ADGRV1: variants seen among roughly 807,000 people sequenced by gnomAD.
ADGRV1 encodes G-protein coupled receptor 98.
A neutral mutation model predicts 596.2 loss-of-function variants in ADGRV1; 359 were observed. That is an observed-to-expected ratio of 0.60 (90% CI 0.55 to 0.66). ADGRV1 has a LOEUF of 0.66. Among genes scored for constraint, ADGRV1 ranks in the 30% least tolerant of loss-of-function variants. The pLI is 0.00. For missense variants in ADGRV1, 7,274 were observed against 7,575.6 expected, an observed-to-expected ratio of 0.96 and a Z score of 1.48; for synonymous variants, 2,681 against 2,679.2, an observed-to-expected ratio of 1.00 and a Z score of -0.02.
At chr5:91,044,170 A>G (rs1056067210) in intron 85 of ADGRV1, among the ~76,000 whole-genome samples, 15 of 152,140 alleles carry the variant, frequency 9.9e-5, no homozygotes, top group Non-Finnish European at 1.9e-4. Context: ...AATTACTACA[A>G]GATAAATTAG....
intron 29 of ADGRV1, 82 bp downstream of exon 29, chr5:90,686,077 T>C: frequency 2.6e-6 from 2 of 767,354 alleles, no homozygotes; most frequent in Non-Finnish European, 3.6e-6. Flanking sequence ...ACACAGCCTC[T>C]CAAAGTTGCA....
intron 83 of ADGRV1, among the ~76,000 whole-genome samples, chr5:90,916,036 G>C (rs568420170): frequency 6.6e-6 from 1 of 152,248 alleles, no homozygotes; most frequent in East Asian, 1.9e-4. Context: ...AGGTTTTTGA[G>C]TGTGAACTAG....
intron 87 of ADGRV1, among the ~76,000 whole-genome samples, chr5:91,129,616 G>A (rs1259634787): frequency 6.6e-6 from 1 of 152,116 alleles, no homozygotes; most frequent in African/African-American, 2.4e-5. Context: ...TGAAGAAATG[G>A]ATTAGTTGTC....
chr5:90,699,374 G>A lies in ADGRV1; in HGVS notation c.8155+2228G>A, dbSNP rs190432281. 6.9e-4 allele frequency among the ~76,000 whole-genome samples: 105 copies of A among 152,168 alleles called. 1 individual carries two copies. Among genetic ancestry groups the A allele is most frequent in the Admixed American group, 2.6e-3 (40 of 15,268 alleles). On this transcript the variant is annotated intron_variant, in intron 34 of 89. Coordinates refer to ENST00000405460, the MANE Select transcript of ADGRV1 (RefSeq NM_032119.4). ...TAACAGCAAGGAGAGGAGAAGCATT[G>A]GATAGAACAGATGACGGGAGCATTT...
intron 83 of ADGRV1, among the ~76,000 whole-genome samples, chr5:90,926,310 T>A (rs1456206340): frequency 2.2e-4 from 33 of 151,656 alleles, no homozygotes; most frequent in Admixed American, 2.0e-3. Flanking sequence ...CAATTTCAGC[T>A]CCTGTTATTG....
intron 4 of ADGRV1, among the ~76,000 whole-genome samples, chr5:90,622,108 C>T (rs961995993): frequency 9.9e-5 from 15 of 152,204 alleles, no homozygotes; most frequent in Admixed American, 3.3e-4. Flanking sequence ...GAAGTCTTTG[C>T]TTTCACCTCC....
At chr5:91,103,878 A>G (rs1027339220) in intron 87 of ADGRV1, among the ~76,000 whole-genome samples, 32 of 152,192 alleles carry the variant, frequency 2.1e-4, no homozygotes, top group African/African-American at 7.2e-4. Context: ...AAGAAGGGAA[A>G]ATGACTAATC....
At chr5:90,748,476 C>G (rs1442313992) in intron 52 of ADGRV1, among the ~76,000 whole-genome samples, 5 of 150,732 alleles carry the variant, frequency 3.3e-5, no homozygotes, top group African/African-American at 1.2e-4. Context: ...ATCTTGTCTT[C>G]AAATTTTAGT....
At chr5:90,673,528 A>G (rs1244196820) in intron 22 of ADGRV1, among the ~76,000 whole-genome samples, 1 of 152,208 alleles carries the variant, frequency 6.6e-6, no homozygotes, top group East Asian at 1.9e-4. Flanking sequence ...TATAAACAAC[A>G]GAAAGTTATT....
Position 90,558,834 on chromosome 5 carries a change from C to T in ADGRV1, c.-62C>T, listed in dbSNP as rs963954233. On this transcript the variant is annotated 5_prime_UTR_variant, in exon 1 of 90. It adds an upstream start codon to the 5' untranslated region. Coordinates refer to ENST00000405460, the MANE Select transcript of ADGRV1 (RefSeq NM_032119.4). ...CAGCAGCGCGGGCAAGGAGTACGGA[C>T]GGGAGTCAGAGGCAGAGCGAGGGTG... The T allele has an allele frequency of 1.4e-5, 21 of 1,522,512 alleles. No homozygotes were observed. The highest frequency in any genetic ancestry group is 1.8e-5 in the Non-Finnish European group (20 of 1,119,040). The allele number at this position is 1,522,512 out of a possible 1,614,324, so 94.3% of individuals were successfully genotyped here. A position where few individuals can be genotyped will look rare whatever the true frequency, so the allele number is the denominator to read the frequency against.
At chr5:91,033,358 A>G (rs1194702700) in intron 85 of ADGRV1, among the ~76,000 whole-genome samples, 1 of 152,158 alleles carries the variant, frequency 6.6e-6, no homozygotes, top group African/African-American at 2.4e-5. Context: ...GGGGTCCTAC[A>G]TGATTTAAAG....
At chr5:91,097,376 T>C (rs1232741034) in intron 86 of ADGRV1, among the ~76,000 whole-genome samples, 2 of 152,198 alleles carry the variant, frequency 1.3e-5, no homozygotes, top group African/African-American at 4.8e-5. Flanking sequence ...GGTGATTAGG[T>C]TTCAACATAT....
intron 83 of ADGRV1, among the ~76,000 whole-genome samples, chr5:90,932,944 A>G (rs997691036): frequency 2.6e-4 from 40 of 152,198 alleles, no homozygotes; most frequent in African/African-American, 8.7e-4. Context: ...CTGGTCACAT[A>G]TTGATATGCA....
chr5:90,842,183 A>C (rs536048457), intron 78 of ADGRV1, among the ~76,000 whole-genome samples: 238 of 152,344 alleles, frequency 1.6e-3, no homozygotes, highest in African/African-American at 5.4e-3. Context: ...TATGTTAACC[A>C]AGTTATTATT....
chr5:90,691,704 A>T (rs1746503096), intron 31 of ADGRV1, among the ~76,000 whole-genome samples: 1 of 152,102 alleles, frequency 6.6e-6, no homozygotes, highest in Non-Finnish European at 1.5e-5. Flanking sequence ...TAAACTCTTA[A>T]CTTATATTTA....
chr5:91,096,547 T>A (rs1421308957), intron 86 of ADGRV1, among the ~76,000 whole-genome samples: 1 of 151,442 alleles, frequency 6.6e-6, no homozygotes, highest in Non-Finnish European at 1.5e-5. Context: ...ACTAAAACCT[T>A]TTCAAACTAT....
intron 84 of ADGRV1, among the ~76,000 whole-genome samples, chr5:90,971,324 C>T (rs187256711): frequency 1.3e-5 from 2 of 152,278 alleles, no homozygotes; most frequent in East Asian, 3.9e-4. Context: ...GGCAGGCCAA[C>T]ATTCAAATTC....
intron 1 of ADGRV1, among the ~76,000 whole-genome samples, chr5:90,594,293 G>T (rs1257436380): frequency 6.6e-6 from 1 of 151,838 alleles, no homozygotes; most frequent in Non-Finnish European, 1.5e-5. Context: ...TCTCATGATA[G>T]TGAGTGAGTT....
In ADGRV1 at chr5:90,642,680, G is replaced by A. The variant is rs757860505; in HGVS notation, c.2285G>A (p.Arg762His). The A allele has an allele frequency of 1.1e-5, 17 of 1,613,396 alleles. No individual in the cohort carries two copies. The highest frequency in any genetic ancestry group is 4.4e-5 in the South Asian group (4 of 91,056). Residue 762 changes from arginine to histidine, a missense_variant, in exon 12 of 90, where the codon CGT (arginine) becomes CAT (histidine). Around this residue, in one of 5 missense-constraint regions of ADGRV1, gnomAD observed 1,715 missense variants for 1,708.8 expected, o/e 1.00. Coordinates refer to ENST00000405460, the MANE Select transcript of ADGRV1 (RefSeq NM_032119.4). ...GTGCTGAAATCTGGATATACTAGCC[G>A]TGACCTAATTATTTTGGAAAATGAT... The part of the protein sequence containing the change: ...NQVLKSGYTS[R>H]DLIILENDDP...
Sources: gnomAD v4.1 joint callset for allele counts (sites outside exome capture counted in the v4.1 genomes callset) on GRCh38, gnomAD v4.1.1 for gene constraint, gnomAD v4.1.1 regional missense constraint, MANE v1.5 for transcripts, NCBI Gene and HGNC (gene_info 2026-07-23, HGNC 2026-07-21) for gene names.